The following BNC2 variants were observed in gnomAD, a reference collection of about 807,000 sequenced individuals.
BNC2 encodes basonuclin zinc finger protein 2.
A neutral mutation model predicts 76.3 loss-of-function variants in BNC2; 20 were observed. The ratio of observed to expected loss-of-function variants is 0.26; its 90% CI spans 0.18 to 0.38. The LOEUF is 0.38. Ranked by LOEUF, BNC2 falls within the 10% of genes least tolerant of loss-of-function variation. The pLI, the probability that BNC2 is intolerant of heterozygous loss-of-function variation, is 1.00. For synonymous variants in BNC2, 582 were observed against 514.8 expected, an observed-to-expected ratio of 1.13 and a Z score of -1.77; for missense variants, 1,382 against 1,399.8, an observed-to-expected ratio of 0.99 and a Z score of 0.20.
intron 5 of BNC2, among the ~76,000 whole-genome samples, chr9:16,465,868 T>C (rs976517921): frequency 2.0e-5 from 3 of 151,408 alleles, no homozygotes; most frequent in African/African-American, 7.3e-5. Context: ...GGTATTCAAT[T>C]AGGAAAAGAG....
chr9:16,493,408 G>T (rs1221243083), intron 5 of BNC2, among the ~76,000 whole-genome samples: 1 of 152,102 alleles, frequency 6.6e-6, no homozygotes, highest in African/African-American at 2.4e-5. Flanking sequence ...ATTAGGGGTG[G>T]GTATGTGTAA....
chr9:16,552,563 A>G lies in BNC2; in HGVS notation c.636T>C (p.Thr212=), dbSNP rs1191781879. 1.2e-6 allele frequency: 2 copies of G among 1,614,100 alleles called. No homozygotes were observed. Among genetic ancestry groups the G allele is most frequent in the Non-Finnish European group, 1.7e-6 (2 of 1,180,038 alleles). Residue 212 remains threonine (T), a synonymous_variant, in exon 5 of 7, where the codon ACT becomes ACC. Coordinates refer to ENST00000380672, the MANE Select transcript of BNC2 (RefSeq NM_017637.6). ...TGTATCCTCGGACATAGTCCCGCAGAGTCCAGCCAAGGCCGTGCAGTATGT... is the reference window on the plus strand; with the variant it reads ...TGTATCCTCGGACATAGTCCCGCAGGGTCCAGCCAAGGCCGTGCAGTATGT... ...VLHILHGLGW[T]LRDYVRGYIL...
intron 5 of BNC2, among the ~76,000 whole-genome samples, chr9:16,523,706 C>G (rs1431189117): frequency 1.3e-5 from 2 of 152,026 alleles, no homozygotes; most frequent in African/African-American, 2.4e-5. Flanking sequence ...GGGCGGATCA[C>G]CTGAGGTCAA....
At chr9:16,725,394 A>T (rs1488600611) in intron 3 of BNC2, among the ~76,000 whole-genome samples, 1 of 152,216 alleles carries the variant, frequency 6.6e-6, no homozygotes, top group African/African-American at 2.4e-5. Context: ...GAAGAGAAAA[A>T]AAATGCAAGC....
At chr9:16,807,952 T>C (rs1424888283) in intron 1 of BNC2, among the ~76,000 whole-genome samples, 1 of 152,162 alleles carries the variant, frequency 6.6e-6, no homozygotes, top group African/African-American at 2.4e-5. Flanking sequence ...CATGGCTACC[T>C]ATGTGGCAGT....
intron 5 of BNC2, among the ~76,000 whole-genome samples, chr9:16,543,485 G>T (rs557875213): frequency 2.7e-4 from 41 of 152,290 alleles, no homozygotes; most frequent in African/African-American, 7.5e-4. Context: ...ACTGGCCAGT[G>T]AGCTGTGGAC....
intron 3 of BNC2, among the ~76,000 whole-genome samples, chr9:16,712,684 C>G (rs1297405949): frequency 2.0e-5 from 3 of 152,158 alleles, no homozygotes; most frequent in Non-Finnish European, 1.5e-5. Flanking sequence ...ATTAAGATCC[C>G]TTTTGAAAAT....
chr9:16,624,072 A>C (rs1193033904), intron 3 of BNC2, among the ~76,000 whole-genome samples: 2 of 152,230 alleles, frequency 1.3e-5, no homozygotes, highest in Non-Finnish European at 2.9e-5. Flanking sequence ...TCAAAACTCT[A>C]AACTACAATG....
intron 1 of BNC2, among the ~76,000 whole-genome samples, chr9:16,864,954 C>A (rs937368074): frequency 2.0e-5 from 3 of 150,008 alleles, no homozygotes; most frequent in African/African-American, 7.4e-5. Flanking sequence ...GAAAGGACAG[C>A]ACATCGTCGA....
At chr9:16,833,032 T>G (rs1001569707) in intron 1 of BNC2, among the ~76,000 whole-genome samples, 5 of 145,630 alleles carry the variant, frequency 3.4e-5, no homozygotes, top group African/African-American at 1.3e-4. Context: ...CCCAAATTCC[T>G]TCTTATTACA....
At chr9:16,739,545 G>C (rs7036083) in intron 1 of BNC2, among the ~76,000 whole-genome samples, 2,030 of 152,290 alleles carry the variant, frequency 0.013, 39 homozygotes, top group African/African-American at 0.045. Context: ...AGTGGTGCAT[G>C]CCTGTAGTCC....
chr9:16,788,524 C>G (rs193136294), intron 1 of BNC2, among the ~76,000 whole-genome samples: 710 of 149,788 alleles, frequency 4.7e-3, no homozygotes, highest in Non-Finnish European at 6.7e-3. Flanking sequence ...CTGCACTCCA[C>G]CCTGGGCGAC....
intron 5 of BNC2, among the ~76,000 whole-genome samples, chr9:16,468,116 C>A (rs1392529916): frequency 2.0e-5 from 3 of 149,516 alleles, no homozygotes; most frequent in African/African-American, 7.4e-5. Context: ...ACATGGCTCA[C>A]TGCAGCCTTG....
chr9:16,618,676 A>G (rs1820778959), intron 3 of BNC2, among the ~76,000 whole-genome samples: 1 of 152,212 alleles, frequency 6.6e-6, no homozygotes, highest in South Asian at 2.1e-4. Flanking sequence ...TCCAGAAAGG[A>G]CAGATACTCA....
chr9:16,770,922 G>C (rs1187830436), intron 1 of BNC2, among the ~76,000 whole-genome samples: 1 of 152,102 alleles, frequency 6.6e-6, no homozygotes, highest in Non-Finnish European at 1.5e-5. Flanking sequence ...TATAATCCCA[G>C]CAGTTTGGGA....
chr9:16,640,585 A>G (rs1247645948), intron 3 of BNC2, among the ~76,000 whole-genome samples: 1 of 152,216 alleles, frequency 6.6e-6, no homozygotes, highest in Non-Finnish European at 1.5e-5. Flanking sequence ...CGGTCATTCT[A>G]TTAGGCTGAG....
At chr9:16,756,568 C>G (rs768396097) in intron 1 of BNC2, among the ~76,000 whole-genome samples, 1 of 152,180 alleles carries the variant, frequency 6.6e-6, no homozygotes, top group Non-Finnish European at 1.5e-5. Context: ...CTCTGCCAAC[C>G]TAACCATCTT....
At chr9:16,744,048 G>C (rs1162405810) in intron 1 of BNC2, among the ~76,000 whole-genome samples, 3 of 152,142 alleles carry the variant, frequency 2.0e-5, no homozygotes, top group Non-Finnish European at 2.9e-5. Context: ...CTCACTGCAA[G>C]CTCCGCCTCC....
chr9:16,646,813 G>C lies in BNC2; in HGVS notation c.331-63728C>G, dbSNP rs146377100. Among the ~76,000 whole-genome samples the C allele has an allele frequency of 9.9e-5, 15 of 152,212 alleles. No homozygotes were observed. The East Asian group carries it at 1.5e-3, about 16-fold the overall frequency. ...AATTTCTAAAAGGGATGCAAAAATA[G>C]AAGAAAAGGTCACAAAGGGTATGAG... is the stretch of plus-strand genomic sequence containing the variant. On this transcript the variant is annotated intron_variant, in intron 3 of 6. Coordinates refer to ENST00000380672, the MANE Select transcript of BNC2 (RefSeq NM_017637.6).
Sources: allele counts gnomAD v4.1 joint callset (sites outside exome capture counted in the v4.1 genomes callset), GRCh38; gene constraint gnomAD v4.1.1; transcripts MANE v1.5; gene names NCBI Gene and HGNC (gene_info 2026-07-23, HGNC 2026-07-21).